Variants in HIGD1A observed in about 807,000 individuals in gnomAD.
HIGD1A encodes the protein HIG1 hypoxia inducible domain family member 1A.
In HIGD1A, 8 loss-of-function variants were observed where a neutral mutation model predicts 11.3. That is an observed-to-expected ratio of 0.71 (90% CI 0.42 to 1.28). HIGD1A has a LOEUF of 1.28. Among genes scored for constraint, HIGD1A ranks in the 50% most tolerant of loss-of-function variants. The pLI is 0.01. For synonymous variants in HIGD1A, 32 were observed against 38.4 expected, an observed-to-expected ratio of 0.83 and a Z score of 0.62; for missense variants, 107 against 118.8, an observed-to-expected ratio of 0.90 and a Z score of 0.46.
At chr3:42,794,129 A>G in intron 2 of HIGD1A, 28 bp downstream of exon 2, 23 of 1,593,356 alleles carry the variant, frequency 1.4e-5, no homozygotes, top group Non-Finnish European at 2.0e-5. Flanking sequence ...ACCATATTCA[A>G]GACTACTAAA....
intron 3 of HIGD1A, 127 bp from the exon 4 acceptor site, chr3:42,785,447 C>A: frequency 1.4e-6 from 1 of 697,364 alleles, no homozygotes; most frequent in Non-Finnish European, 2.5e-6. Flanking sequence ...GGGAATAAGA[C>A]CCTAGGAAGC....
intron 1 of HIGD1A, among the ~76,000 whole-genome samples, chr3:42,803,626 T>C (rs1271094781): frequency 6.6e-6 from 1 of 152,148 alleles, no homozygotes; most frequent in African/African-American, 2.4e-5. Flanking sequence ...CAAAGTGCCT[T>C]TGTACTTCCG....
intron 1 of HIGD1A, among the ~76,000 whole-genome samples, chr3:42,796,193 C>A (rs1256823939): frequency 6.6e-6 from 1 of 152,132 alleles, no homozygotes; most frequent in African/African-American, 2.4e-5. Flanking sequence ...ATAAGCCTCA[C>A]CTTCATTGAG....
intron 2 of HIGD1A, among the ~76,000 whole-genome samples, chr3:42,792,322 A>G (rs1422646841): frequency 6.6e-6 from 1 of 152,214 alleles, no homozygotes; most frequent in Non-Finnish European, 1.5e-5. Flanking sequence ...TACCAAGAGG[A>G]TTATAATAAT....
chr3:42,803,762 C>T (rs964363634), intron 1 of HIGD1A, among the ~76,000 whole-genome samples: 1 of 152,218 alleles, frequency 6.6e-6, no homozygotes, highest in African/African-American at 2.4e-5. Context: ...TCTGCCCTTA[C>T]GCTGTGCTTT....
At chr3:42,795,723 GA>G (rs35403872) in intron 1 of HIGD1A, among the ~76,000 whole-genome samples, 2,245 of 141,942 alleles carry the variant, frequency 0.016, 50 homozygotes, top group African/African-American at 0.049. Context: ...AAGGGGATAG[GA>G]AAAAAAAAAA....
intron 3 of HIGD1A, 46 bp from the exon 4 acceptor site, chr3:42,785,366 T>C: frequency 2.0e-6 from 3 of 1,505,146 alleles, no homozygotes; most frequent in East Asian, 2.3e-5. Flanking sequence ...TTTTCTTAAA[T>C]ATTCAAAAAT....
chr3:42,804,116 G>GGCCCCCGTCTCTCATTACC, intron 1 of HIGD1A: 1 of 1,567,038 alleles, frequency 6.4e-7, no homozygotes, highest in African/African-American at 1.4e-5. Context: ...ACACCCTCCT[G>GGCCCCCGTCTCTCATTACC]GCCCCCGTCT....
chr3:42,785,960 AC>A (rs1185995736), intron 3 of HIGD1A, 67 bp downstream of exon 3: 9 of 1,417,848 alleles, frequency 6.3e-6, no homozygotes, highest in Non-Finnish European at 8.9e-6. Context: ...AAAAATATTT[AC>A]CTATTTTGTT....
rs574500152 is a variant in HIGD1A at position 42,786,068 on chromosome 3, A to G, written c.192T>C (p.Arg64=). 368 of 1,613,150 alleles carry G rather than the reference A, an allele frequency of 2.3e-4. 2 individuals carry two copies. The South Asian group carries it at 2.9e-3, about 13-fold the overall frequency. ...TKMSIHLIHM[R]VAAQGFVVGA... ...CTACAACAAAGCCTTGGGCTGCCAC[A>G]CGCATGTGGATCAGATGAATGGACA... is the stretch of plus-strand genomic sequence containing the variant. Residue 64 remains arginine, a synonymous_variant, in exon 3 of 4, where the codon CGT becomes CGC. Coordinates refer to ENST00000321331, the MANE Select transcript of HIGD1A (RefSeq NM_014056.4).
intron 1 of HIGD1A, among the ~76,000 whole-genome samples, chr3:42,799,939 GC>G (rs1314676908): frequency 6.6e-6 from 1 of 152,164 alleles, no homozygotes; most frequent in East Asian, 1.9e-4. Flanking sequence ...CTTGAGACTG[GC>G]TTTGAAGAAA....
intron 1 of HIGD1A, among the ~76,000 whole-genome samples, chr3:42,796,192 A>G (rs191501325): frequency 3.9e-5 from 6 of 152,314 alleles, no homozygotes; most frequent in Non-Finnish European, 7.4e-5. Flanking sequence ...TATAAGCCTC[A>G]CCTTCATTGA....
In HIGD1A at chr3:42,785,041, T is replaced by C. The variant is rs926189788; in HGVS notation, c.*230A>G. Reference sequence around the variant, plus strand: ...CACCATCAAGTGCATTTAGGTGACATGTTTAAGTTAACTTGACTTCCTTGA... The same window carrying C: ...CACCATCAAGTGCATTTAGGTGACACGTTTAAGTTAACTTGACTTCCTTGA... On this transcript the variant is annotated 3_prime_UTR_variant, in exon 4 of 4. Coordinates refer to ENST00000321331, the MANE Select transcript of HIGD1A (RefSeq NM_014056.4). The C allele has an allele frequency of 2.2e-6, 1 of 450,296 alleles. No homozygotes were observed. The highest frequency in any genetic ancestry group is 4.0e-6 in the Non-Finnish European group (1 of 247,984). 27.9% of individuals were successfully genotyped at this position (450,296 alleles called of 1,614,324 possible).
chr3:42,801,230 C>T (rs867214720), intron 1 of HIGD1A, among the ~76,000 whole-genome samples: 2 of 152,280 alleles, frequency 1.3e-5, no homozygotes, highest in Middle Eastern at 3.4e-3. Context: ...TCCTGGAACT[C>T]GGCGAACTCC....
chr3:42,786,077 G>A lies in HIGD1A; in HGVS notation c.183C>T (p.Ile61=), dbSNP rs183428097. 1.9e-6 allele frequency: 3 copies of A among 1,613,192 alleles called. No homozygotes were observed. In the African/African-American group the frequency reaches 4.0e-5, roughly 22 times the overall value. The change falls in exon 3 of 4, where the codon ATC becomes ATT. Residue 61 remains isoleucine (I), a synonymous_variant. Transcript: ENST00000321331. The stretch of plus-strand genomic sequence containing the variant: ...AGCCTTGGGCTGCCACACGCATGTG[G>A]ATCAGATGAATGGACATTTTAGTAT... ...RGNTKMSIHL[I]HMRVAAQGFV... is the part of the protein sequence containing the mutation.
At chr3:42,804,017 C>T (rs971303278) in intron 1 of HIGD1A, among the ~76,000 whole-genome samples, 6 of 152,174 alleles carry the variant, frequency 3.9e-5, no homozygotes, top group African/African-American at 1.4e-4. Flanking sequence ...TCTCCTATCC[C>T]GCCTCGCCTG....
Position 42,785,035 on chromosome 3 carries a change from G to A in HIGD1A, c.*236C>T. On this transcript the variant is annotated 3_prime_UTR_variant, in exon 4 of 4. Coordinates refer to ENST00000321331, the MANE Select transcript of HIGD1A (RefSeq NM_014056.4). ...TTTCAACACCATCAAGTGCATTTAG[G>A]TGACATGTTTAAGTTAACTTGACTT... 2 of 450,466 alleles carry A rather than the reference G, an allele frequency of 4.4e-6. No homozygotes were observed. The highest frequency in any genetic ancestry group is 8.0e-6 in the Non-Finnish European group (2 of 248,546). The allele number at this position is 450,466 out of a possible 1,614,324, so 27.9% of individuals were successfully genotyped here. A position where few individuals can be genotyped will look rare whatever the true frequency, so the allele number is the denominator to read the frequency against.
intron 1 of HIGD1A, among the ~76,000 whole-genome samples, chr3:42,795,249 G>T (rs1364649809): frequency 7.2e-6 from 1 of 138,860 alleles, no homozygotes; most frequent in Non-Finnish European, 1.5e-5. Context: ...ATGGAGTTTC[G>T]TTCTTGTTGC....
chr3:42,795,989 A>T (rs940959844), intron 1 of HIGD1A, among the ~76,000 whole-genome samples: 9 of 152,236 alleles, frequency 5.9e-5, no homozygotes, highest in Admixed American at 1.3e-4. Context: ...TTAAAAGTCT[A>T]TGCCCATCCT....
Sources: allele counts gnomAD v4.1 joint callset (sites outside exome capture counted in the v4.1 genomes callset), GRCh38; gene constraint gnomAD v4.1.1; transcripts MANE v1.5; gene names NCBI Gene and HGNC (gene_info 2026-07-23, HGNC 2026-07-21).